Variants in RP1L1 observed in about 807,000 individuals in gnomAD.
RP1L1 encodes the protein RP1 like 1.
A neutral mutation model predicts 15.7 loss-of-function variants in RP1L1; 27 were observed. The observed-to-expected ratio is 1.72, with a 90% confidence interval of 1.27 to 2.38. The LOEUF (loss-of-function observed/expected upper bound fraction) is 2.38, where lower values mean the gene tolerates loss of function less well. Ranked by LOEUF, RP1L1 falls within the 30% of genes most tolerant of loss-of-function variation. The pLI, the probability that RP1L1 is intolerant of heterozygous loss-of-function variation, is 0.00. For synonymous variants in RP1L1, 1,813 were observed against 1,276.7 expected (o/e 1.42, Z -8.96); for missense variants, 4,798 against 3,075.9 (o/e 1.56, Z -13.24).
At position 10,611,470 on chromosome 8, in the gene RP1L1, G is replaced by A. The variant is rs775850991; in HGVS notation, c.2628C>T (p.Ser876=). 8 of 1,569,164 alleles carry A rather than the reference G, an allele frequency of 5.1e-6. No individual in the cohort carries two copies. The South Asian group carries it at 6.9e-5, about 14-fold the overall frequency. ...RSSSCGSTGS[S]HQSTARGPGG... ...CTGGCCCCCGGGCAGTGCTTTGGTGGCTGCTGCCGGTGCTCCCACAGCTGG... is the reference window on the plus strand; with the variant it reads ...CTGGCCCCCGGGCAGTGCTTTGGTGACTGCTGCCGGTGCTCCCACAGCTGG... The change falls in exon 4 of 4, where the codon AGC becomes AGT. Residue 876 remains serine, a synonymous_variant. Coordinates refer to ENST00000382483, the MANE Select transcript of RP1L1 (RefSeq NM_178857.6).
At position 10,611,329 on chromosome 8, in the gene RP1L1, G is replaced by C; in HGVS notation, c.2769C>G (p.Ser923=). Residue 923 remains serine, a synonymous_variant, in exon 4 of 4, where the codon TCC becomes TCG. Transcript: ENST00000382483. ...ASQGAGSRGL[S]EEKTLRSGGG... is the part of the protein sequence containing the mutation. Reference sequence around the variant, plus strand: ...CCCCACTCCTCAAGGTCTTCTCCTCGGACAGCCCCCGAGACCCCGCACCCT... The same window carrying C: ...CCCCACTCCTCAAGGTCTTCTCCTCCGACAGCCCCCGAGACCCCGCACCCT... 6.2e-7 allele frequency: 1 copy of C among 1,612,554 alleles called. No individual in the cohort carries two copies. Among genetic ancestry groups the C allele is most frequent in the Non-Finnish European group, 8.5e-7 (1 of 1,179,956 alleles).
rs1798094991 is a variant in RP1L1, at chr8:10,623,032, G to A, written c.170C>T (p.Ala57Val). Reference protein sequence around the residue: ...AGVRLAVHQRAFKTFSALMDE... With the variant: ...AGVRLAVHQRVFKTFSALMDE... ...CATGAGGGCGCTGAAGGTCTTAAAGGCGCGCTGGTGAACGGCCAGGCGGAC... is the reference window on the plus strand; with the variant it reads ...CATGAGGGCGCTGAAGGTCTTAAAGACGCGCTGGTGAACGGCCAGGCGGAC... The change falls in exon 2 of 4, where the codon GCC (alanine) becomes GTC (valine). Residue 57 changes from alanine to valine, a missense_variant. Transcript: ENST00000382483. 1 of 1,614,142 alleles carries A rather than the reference G, an allele frequency of 6.2e-7. No individual in the cohort carries two copies. Among genetic ancestry groups the A allele is most frequent in the Non-Finnish European group, 8.5e-7 (1 of 1,180,014 alleles).
At position 10,607,454 on chromosome 8, in the gene RP1L1, G is replaced by A. The variant is rs187850525; in HGVS notation, c.6644C>T (p.Pro2215Leu). ...TGGCTGGGCCTCCTCTTCAGCCTCC[G>A]GGGCCTCTACACCTTCTAACTCTGG... is the stretch of plus-strand genomic sequence containing the variant. ...AQPELEGVEA[P>L]EAEEEAQPEP... Residue 2215 changes from proline (P) to leucine (L), a missense_variant, in exon 4 of 4, where the codon CCG (proline) becomes CTG (leucine). Coordinates refer to ENST00000382483, the MANE Select transcript of RP1L1 (RefSeq NM_178857.6). 279 of 1,609,054 alleles carry A rather than the reference G, an allele frequency of 1.7e-4. No homozygotes were observed. The highest frequency in any genetic ancestry group is 5.2e-4 in the East Asian group (23 of 44,576).
chr8:10,616,224 T>C (rs1313772472), intron 3 of RP1L1, among the ~76,000 whole-genome samples: 1 of 152,138 alleles, frequency 6.6e-6, no homozygotes, highest in Non-Finnish European at 1.5e-5. Context: ...TCCTTTTATA[T>C]ACCAAGCACT....
At chr8:10,622,520 CT>C in intron 2 of RP1L1, 72 bp downstream of exon 2, 7 of 1,597,802 alleles carry the variant, frequency 4.4e-6, no homozygotes, top group Non-Finnish European at 6.0e-6. Flanking sequence ...AATAATCTCT[CT>C]CTTCCATGTG....
chr8:10,637,258 G>A (rs112179840), intron 1 of RP1L1, among the ~76,000 whole-genome samples: 1 of 152,188 alleles, frequency 6.6e-6, no homozygotes, highest in African/African-American at 2.4e-5. Flanking sequence ...CTTGGCCGCG[G>A]AATGCGCAGA....
Position 10,622,721 on chromosome 8 carries a change from C to G in RP1L1, c.481G>C (p.Asp161His). Residue 161 changes from aspartate to histidine, a missense_variant, in exon 2 of 4, where the codon GAC (aspartate) becomes CAC (histidine). Coordinates refer to ENST00000382483, the MANE Select transcript of RP1L1 (RefSeq NM_178857.6). ...PRRILLIKNM[D>H]PRLQQTVVLS... ...ACCACTGTCTGCTGGAGGCGAGGGT[C>G]CATGTTCTTAATCAGCAGTATCCTC... is the stretch of plus-strand genomic sequence containing the variant. 3 of 1,614,150 alleles carry G rather than the reference C, an allele frequency of 1.9e-6. No individual in the cohort carries two copies. The highest frequency in any genetic ancestry group is 2.5e-6 in the Non-Finnish European group (3 of 1,180,030).
At chr8:10,629,730 G>T (rs1798211982) in intron 1 of RP1L1, among the ~76,000 whole-genome samples, 1 of 152,130 alleles carries the variant, frequency 6.6e-6, no homozygotes, top group Non-Finnish European at 1.5e-5. Context: ...GGGCTCCATG[G>T]TGCCACCCAT....
intron 2 of RP1L1, 36 bp downstream of exon 2, chr8:10,622,557 A>C (rs2117225317): frequency 1.2e-6 from 2 of 1,613,820 alleles, no homozygotes; most frequent in East Asian, 4.5e-5. Context: ...GGTCTAAAGA[A>C]CCTTTTCAAG....
intron 1 of RP1L1, among the ~76,000 whole-genome samples, chr8:10,637,212 A>C (rs929704901): frequency 6.6e-6 from 1 of 152,196 alleles, no homozygotes; most frequent in African/African-American, 2.4e-5. Flanking sequence ...CCCACGTAGT[A>C]AGGGGCGTCC....
intron 2 of RP1L1, among the ~76,000 whole-genome samples, chr8:10,622,205 C>T (rs1798070522): frequency 6.6e-6 from 1 of 151,948 alleles, no homozygotes; most frequent in Non-Finnish European, 1.5e-5. Flanking sequence ...CCTGTAATCC[C>T]AGCTACTCAG....
chr8:10,611,511 G>C lies in RP1L1; in HGVS notation c.2587C>G (p.Pro863Ala), dbSNP rs1797854013. ...CCACAGCTGGAAGAGCGCCTCTGGG[G>C]GCAGGGCCGCCCCCTGGGCGGGGTG... ...CPTPPRGRPC[P>A]QRRSSSCGST... The change falls in exon 4 of 4, where the codon CCC becomes GCC. Residue 863 changes from proline to alanine, a missense_variant. By Grantham distance (27) the Pro-to-Ala change is conservative. Coordinates refer to ENST00000382483, the MANE Select transcript of RP1L1 (RefSeq NM_178857.6). The C allele has an allele frequency of 6.3e-7, 1 of 1,578,842 alleles. No homozygotes were observed. The highest frequency in any genetic ancestry group is 8.6e-7 in the Non-Finnish European group (1 of 1,164,128).
intron 1 of RP1L1, among the ~76,000 whole-genome samples, chr8:10,651,393 T>C (rs1278638598): frequency 2.0e-5 from 3 of 152,200 alleles, no homozygotes; most frequent in African/African-American, 7.2e-5. Context: ...AAGTGCTCTT[T>C]CTAGTACAGC....
At chr8:10,627,663 A>G (rs1327254680) in intron 1 of RP1L1, among the ~76,000 whole-genome samples, 1 of 151,998 alleles carries the variant, frequency 6.6e-6, no homozygotes, top group East Asian at 1.9e-4. Context: ...AAAAAAGTAA[A>G]AATATTTAAA....
At position 10,611,167 on chromosome 8, in the gene RP1L1, G is replaced by C. The variant is rs370493745; in HGVS notation, c.2931C>G (p.Asp977Glu). 6.2e-7 allele frequency: 1 copy of C among 1,612,548 alleles called. No individual in the cohort carries two copies. The highest frequency in any genetic ancestry group is 1.1e-5 in the South Asian group (1 of 91,088). The change falls in exon 4 of 4, where the codon GAC (aspartate) becomes GAG (glutamate). Residue 977 changes from aspartate to glutamate, a missense_variant. By Grantham distance (45) the Asp-to-Glu change is conservative. Coordinates refer to ENST00000382483, the MANE Select transcript of RP1L1 (RefSeq NM_178857.6). Reference sequence around the variant, plus strand: ...CACCCCCAGCTGCACCTGTGGTCTCGTCCGCCAACTCATATGTCATGAGTA... The same window carrying C: ...CACCCCCAGCTGCACCTGTGGTCTCCTCCGCCAACTCATATGTCATGAGTA... ...EPILMTYELADETTGAAGGGL... is the reference protein window; with the variant it reads ...EPILMTYELAEETTGAAGGGL...
At position 10,622,037 on chromosome 8, in the gene RP1L1, G is replaced by C. The variant is rs763877908; in HGVS notation, c.609+556C>G. 3.9e-5 allele frequency among the ~76,000 whole-genome samples: 6 copies of C among 152,222 alleles called. No homozygotes were observed. The East Asian group carries it at 9.7e-4, about 25-fold the overall frequency. On this transcript the variant is annotated intron_variant, in intron 2 of 3. Transcript: ENST00000382483. The stretch of plus-strand genomic sequence containing the variant: ...ATAAGACAACAATAAGAGTACACAA[G>C]GCTGCTGGGCATGGTGGCTCATGCC...
intron 1 of RP1L1, among the ~76,000 whole-genome samples, chr8:10,628,706 T>C (rs1376598608): frequency 6.6e-6 from 1 of 152,196 alleles, no homozygotes; most frequent in African/African-American, 2.4e-5. Context: ...TTCCCAATGA[T>C]AGTTCCCGTT....
rs1373902688 is a variant in RP1L1 at position 10,612,807 on chromosome 8, G to A, written c.1291C>T (p.His431Tyr). 3.1e-6 allele frequency: 5 copies of A among 1,611,402 alleles called. No individual in the cohort carries two copies. The highest frequency in any genetic ancestry group is 4.2e-6 in the Non-Finnish European group (5 of 1,179,900). ...AARKRWGLAQHVRCSGLWGHG... is the reference protein window; with the variant it reads ...AARKRWGLAQYVRCSGLWGHG... ...CCCCACAGGCCACTGCAGCGGACGTGCTGGGCCAGTCCCCACCTCTTCCGA... is the reference window on the plus strand; with the variant it reads ...CCCCACAGGCCACTGCAGCGGACGTACTGGGCCAGTCCCCACCTCTTCCGA... Residue 431 changes from histidine to tyrosine, a missense_variant, in exon 4 of 4, where the codon CAC (histidine) becomes TAC (tyrosine). Physicochemically the swap from His to Tyr is moderately conservative, Grantham distance 83 (BLOSUM62 2). Transcript: ENST00000382483.
At chr8:10,649,415 T>G (rs1449745137) in intron 1 of RP1L1, among the ~76,000 whole-genome samples, 1 of 152,198 alleles carries the variant, frequency 6.6e-6, no homozygotes, top group African/African-American at 2.4e-5. Context: ...ATCAAGGGCT[T>G]TGCCTGAGAA....
Sources: allele counts gnomAD v4.1 joint callset (sites outside exome capture counted in the v4.1 genomes callset), GRCh38; gene constraint gnomAD v4.1.1; transcripts MANE v1.5; gene names NCBI Gene and HGNC (gene_info 2026-07-23, HGNC 2026-07-21).